PRDM1: variants seen among roughly 807,000 people sequenced by gnomAD.
The protein encoded by PRDM1 is PR/SET domain 1.
Under a neutral mutation model 62.8 loss-of-function variants are expected in PRDM1, and 13 were observed. That is an observed-to-expected ratio of 0.21 (90% confidence interval 0.13 to 0.33). PRDM1 has a LOEUF of 0.33. Ranked by LOEUF, PRDM1 falls within the 10% of genes least tolerant of loss-of-function variation. The pLI is 1.00. For synonymous variants in PRDM1, 396 were observed against 417.6 expected, an observed-to-expected ratio of 0.95 and a Z score of 0.63; for missense variants, 895 against 1,058.8, an observed-to-expected ratio of 0.85 and a Z score of 2.15.
chr6:106,105,227 C>G lies in PRDM1; in HGVS notation c.1067C>G (p.Pro356Arg), dbSNP rs137921759. 144 of 1,613,708 alleles carry G rather than the reference C, an allele frequency of 8.9e-5. No individual in the cohort carries two copies. The highest frequency in any genetic ancestry group is 1.8e-4 in the Admixed American group (11 of 59,998). The change falls in exon 5 of 7, where the codon CCT becomes CGT. Residue 356 changes from proline to arginine, a missense_variant. Physicochemically the swap from Pro to Arg is moderately radical, Grantham distance 103 (BLOSUM62 -2). Around this residue, in one of 4 missense-constraint regions of PRDM1, gnomAD observed 444 missense variants for 422.7 expected, o/e 1.05. Coordinates refer to ENST00000369096, the MANE Select transcript of PRDM1 (RefSeq NM_001198.4). ...SLKSSSPHSS[P>R]GNTVSPVGPG... ...AAGAGCTCCAGCCCTCACAGCAGCC[C>G]TGGGAATACGGTGTCCCCTGTGGGC...
Position 106,042,911 on chromosome 6 carries a change from C to T in PRDM1, c.-66-45290C>T, listed in dbSNP as rs182684420. ...TGTCACCTAGGCTGGAATGCAATGG[C>T]GCATTCTCGGCTCACCGCAATCTCC... On this transcript the variant is annotated intron_variant, in intron 1 of 6. Coordinates refer to the PRDM1 transcript ENST00000652320. Among the ~76,000 whole-genome samples, 372 of 152,170 alleles carry T rather than the reference C, an allele frequency of 2.4e-3. 1 individual carries two copies. The highest frequency in any genetic ancestry group is 8.8e-3 in the African/African-American group (365 of 41,504).
intron 1 of PRDM1, among the ~76,000 whole-genome samples, chr6:106,007,375 A>G (rs888967505): frequency 2.0e-5 from 3 of 151,822 alleles, no homozygotes; most frequent in Admixed American, 6.6e-5. Context: ...GGTTGCAGTG[A>G]GCCGAGATGG....
At position 106,108,422 on chromosome 6, in the gene PRDM1, T is replaced by A. The variant is rs1774573868; in HGVS notation, c.*936T>A. 1 of 232,890 alleles carries A rather than the reference T, an allele frequency of 4.3e-6. No individual in the cohort carries two copies. The highest frequency in any genetic ancestry group is 1.8e-4 in the South Asian group (1 of 5,488). The allele number at this position is 232,890 out of a possible 1,614,324, so 14.4% of individuals were successfully genotyped here. On this transcript the variant is annotated 3_prime_UTR_variant, in exon 7 of 7. Transcript: ENST00000369096. Reference sequence around the variant, plus strand: ...TGAAGAAGAAAAAAATGCCATGTTTTAAAACCACTGCGAAAATTTCCCCAA... The same window carrying A: ...TGAAGAAGAAAAAAATGCCATGTTTAAAAACCACTGCGAAAATTTCCCCAA...
intron 1 of PRDM1, among the ~76,000 whole-genome samples, chr6:106,040,571 C>T (rs888773056): frequency 6.6e-6 from 1 of 152,238 alleles, no homozygotes; most frequent in African/African-American, 2.4e-5. Flanking sequence ...GTAAAGCAGA[C>T]TTCACAGTTC....
intron 1 of PRDM1, among the ~76,000 whole-genome samples, chr6:106,077,272 G>T (rs574797982): frequency 6.6e-6 from 1 of 152,166 alleles, no homozygotes; most frequent in African/African-American, 2.4e-5. Flanking sequence ...ATCAACCATC[G>T]ATCACACCAC....
chr6:106,074,490 T>C (rs994861864), intron 1 of PRDM1, among the ~76,000 whole-genome samples: 39 of 152,208 alleles, frequency 2.6e-4, no homozygotes, highest in African/African-American at 9.4e-4. Context: ...CCAAACTAGA[T>C]AATGCTAGTT....
intron 1 of PRDM1, among the ~76,000 whole-genome samples, chr6:106,023,083 T>G (rs1232179757): frequency 6.6e-6 from 1 of 152,172 alleles, no homozygotes; most frequent in Non-Finnish European, 1.5e-5. Flanking sequence ...CCTTCATCTT[T>G]TCCAGTGTTC....
intron 1 of PRDM1, among the ~76,000 whole-genome samples, chr6:106,053,581 G>C (rs538227479): frequency 1.3e-5 from 2 of 151,494 alleles, no homozygotes; most frequent in Admixed American, 1.3e-4. Flanking sequence ...CATAAGTATT[G>C]TATTGTATCC....
intron 1 of PRDM1, among the ~76,000 whole-genome samples, chr6:106,078,609 C>T (rs1008700144): frequency 1.8e-4 from 27 of 152,218 alleles, no homozygotes; most frequent in African/African-American, 2.7e-4. Context: ...CAGTGGCTCA[C>T]GCCTGTAATC....
chr6:106,065,924 A>C (rs1773425717), intron 1 of PRDM1, among the ~76,000 whole-genome samples: 5 of 152,194 alleles, frequency 3.3e-5, no homozygotes, highest in Admixed American at 3.3e-4. Flanking sequence ...TGGTTTACAT[A>C]CAGTAATTCC....
At chr6:106,052,079 G>C (rs1773184842) in intron 1 of PRDM1, among the ~76,000 whole-genome samples, 1 of 152,180 alleles carries the variant, frequency 6.6e-6, no homozygotes, top group Admixed American at 6.5e-5. Flanking sequence ...GAGGATGAAA[G>C]TTCTGGAGAT....
chr6:106,099,288 T>A lies in PRDM1; in HGVS notation c.412-12T>A, dbSNP rs1391616824. 1 of 1,613,190 alleles carries A rather than the reference T, an allele frequency of 6.2e-7. No homozygotes were observed. Among genetic ancestry groups the A allele is most frequent in the Non-Finnish European group, 8.5e-7 (1 of 1,179,354 alleles). On this transcript the variant is annotated splice_polypyrimidine_tract_variant and intron_variant, in intron 3 of 6. Coordinates refer to ENST00000369096, the MANE Select transcript of PRDM1 (RefSeq NM_001198.4). ...GACTTCCTTTTACATGCCTGTCTTCTCTTTTGGACAGATCTATTCCAGAGG... is the reference window on the plus strand; with the variant it reads ...GACTTCCTTTTACATGCCTGTCTTCACTTTTGGACAGATCTATTCCAGAGG...
intron 1 of PRDM1, among the ~76,000 whole-genome samples, chr6:106,019,181 G>A (rs760604667): frequency 1.5e-5 from 2 of 132,060 alleles, no homozygotes; most frequent in African/African-American, 5.8e-5. Context: ...CACAAGAATC[G>A]CTTCAACCTG....
chr6:106,013,563 G>C (rs1166198679), intron 1 of PRDM1, among the ~76,000 whole-genome samples: 1 of 151,542 alleles, frequency 6.6e-6, no homozygotes, highest in African/African-American at 2.4e-5. Flanking sequence ...CCTGACCTCA[G>C]GTAATCCACC....
Position 106,106,768 on chromosome 6 carries a change from C to A in PRDM1, c.1903-143C>A. On this transcript the variant is annotated intron_variant, in intron 6 of 6. Transcript: ENST00000369096. This position sits in a 1 kb window ranked among gnomAD's most constrained non-coding sequence, Gnocchi z 4.4. ...CCCACATCCCCCCGTTTGCTTAATA[C>A]CACACTGGAGGTGCCACAAGGAGGC... 1 of 1,018,806 alleles carries A rather than the reference C, an allele frequency of 9.8e-7. No homozygotes were observed. Among genetic ancestry groups the A allele is most frequent in the Non-Finnish European group, 1.4e-6 (1 of 701,004 alleles). 63.1% of individuals were successfully genotyped at this position (1,018,806 alleles called of 1,614,324 possible).
At chr6:106,072,941 T>C (rs1773542068) in intron 1 of PRDM1, among the ~76,000 whole-genome samples, 1 of 152,106 alleles carries the variant, frequency 6.6e-6, no homozygotes, top group South Asian at 2.1e-4. Flanking sequence ...GTAATGATGT[T>C]ACAAGGGAGT....
chr6:106,004,787 G>T (rs1009750878), intron 1 of PRDM1, among the ~76,000 whole-genome samples: 1 of 151,962 alleles, frequency 6.6e-6, no homozygotes, highest in South Asian at 2.1e-4. Flanking sequence ...TATACATTTT[G>T]GCATTTCTTG....
chr6:106,030,813 C>T (rs774167645), intron 1 of PRDM1, among the ~76,000 whole-genome samples: 1 of 152,194 alleles, frequency 6.6e-6, no homozygotes, highest in African/African-American at 2.4e-5. Context: ...ATTGCTCAAG[C>T]ATCTTCATAT....
At chr6:106,028,212 C>T (rs937808922) in intron 1 of PRDM1, among the ~76,000 whole-genome samples, 1 of 152,198 alleles carries the variant, frequency 6.6e-6, no homozygotes, top group East Asian at 1.9e-4. Context: ...GTGATTTTTC[C>T]TCACACTGAG....
Sources: allele counts gnomAD v4.1 joint callset (sites outside exome capture counted in the v4.1 genomes callset), GRCh38; gene constraint gnomAD v4.1.1; regional missense constraint gnomAD v4.1.1; non-coding constraint Gnocchi (gnomAD v3.1); transcripts MANE v1.5; gene names NCBI Gene and HGNC (gene_info 2026-07-23, HGNC 2026-07-21).